Variants in MSANTD2 observed in about 807,000 individuals in gnomAD.
MSANTD2 encodes myb/SANT-like DNA-binding domain-containing protein 2.
MSANTD2 carries 19 observed loss-of-function variants against 52.6 expected under a neutral mutation model. That is an observed-to-expected ratio of 0.36 (90% CI 0.25 to 0.53). The LOEUF (loss-of-function observed/expected upper bound fraction) is 0.53. MSANTD2 is among the 20% of genes least tolerant of loss of function. MSANTD2 has a pLI of 0.91. For missense variants in MSANTD2, 558 were observed against 716.3 expected, an observed-to-expected ratio of 0.78 and a Z score of 2.52; for synonymous variants, 291 against 289.7, an observed-to-expected ratio of 1.00 and a Z score of -0.04.
At chr11:124,796,965 T>C (rs1024605970) in intron 1 of MSANTD2, among the ~76,000 whole-genome samples, 1 of 152,236 alleles carries the variant, frequency 6.6e-6, no homozygotes, top group African/African-American at 2.4e-5. Context: ...ATAAGCATAA[T>C]CTGAGTTACT....
chr11:124,799,848 C>T (rs755316849), intron 1 of MSANTD2, 23 bp downstream of exon 1: 99 of 1,551,776 alleles, frequency 6.4e-5, no homozygotes, highest in Middle Eastern at 2.1e-4. Context: ...TGGTTCGCTG[C>T]CCCAGGCCGG....
chr11:124,769,223 C>A (rs2135227662), intron 3 of MSANTD2, among the ~76,000 whole-genome samples: 1 of 152,274 alleles, frequency 6.6e-6, no homozygotes, highest in Middle Eastern at 3.4e-3. Context: ...TCAGTCTGTC[C>A]TCTCGCTCTC....
At chr11:124,792,250 G>T (rs557352224) in intron 1 of MSANTD2, 1 of 152,800 alleles carries the variant, frequency 6.5e-6, no homozygotes, top group Non-Finnish European at 1.5e-5. Flanking sequence ...CCTGGAATTG[G>T]TATGTTCACT....
intron 1 of MSANTD2, chr11:124,789,401 T>G (rs1431780370): frequency 6.6e-6 from 1 of 152,286 alleles, no homozygotes; most frequent in South Asian, 2.1e-4. Context: ...AAAATGCAAC[T>G]AGAAAGCATA....
chr11:124,767,727 C>G lies in MSANTD2; in HGVS notation c.1129G>C (p.Glu377Gln). 6.2e-7 allele frequency: 1 copy of G among 1,614,226 alleles called. No individual in the cohort carries two copies. The highest frequency in any genetic ancestry group is 8.5e-7 in the Non-Finnish European group (1 of 1,180,030). The change falls in exon 4 of 4, where the codon GAG (glutamate) becomes CAG (glutamine). Residue 377 changes from glutamate (E) to glutamine (Q), a missense_variant. This residue lies in a region of MSANTD2 where 408 missense variants were observed against 573.6 expected (regional missense o/e 0.71). Transcript: ENST00000374979. The surrounding 1 kb of genome is among the most constrained non-coding windows in gnomAD (Gnocchi z 6.5). Reference protein sequence around the residue: ...NWKNVYYKFLEITISEARCLE... With the variant: ...NWKNVYYKFLQITISEARCLE... ...CACCTAGCTTCGCTAATAGTGATCT[C>G]TAAAAATTTGTAGTAAACATTTTTC...
At chr11:124,790,882 G>C (rs1199302836) in intron 1 of MSANTD2, 1 of 226,046 alleles carries the variant, frequency 4.4e-6, no homozygotes, top group Non-Finnish European at 8.8e-6. Context: ...ATCTGGGACA[G>C]ATGTTGCAAA....
At chr11:124,793,572 A>C (rs1328166835) in intron 1 of MSANTD2, among the ~76,000 whole-genome samples, 1 of 152,240 alleles carries the variant, frequency 6.6e-6, no homozygotes, top group Non-Finnish European at 1.5e-5. Context: ...AGATAAAATT[A>C]AAAATTCAAT....
chr11:124,767,400 G>A lies in MSANTD2; in HGVS notation c.1456C>T (p.Gln486Ter), dbSNP rs1944338400. The change falls in exon 4 of 4, where the codon CAG becomes TAG. Residue 486 changes from glutamine (Q) to a stop codon, truncating the protein, a stop_gained. Coordinates refer to ENST00000374979, the MANE Select transcript of MSANTD2 (RefSeq NM_001308027.2). LOFTEE classifies it high-confidence loss of function. This position sits in a 1 kb window ranked among gnomAD's most constrained non-coding sequence, Gnocchi z 6.5. The part of the protein sequence containing the change: ...YLGIAEVRTL[Q>*]QCLFLHFQAN... ...TGGAAATGTAAAAATAAGCACTGCT[G>A]TAGAGTCCTGACCTCAGCAATCCCG... 1.2e-6 allele frequency: 2 copies of A among 1,614,092 alleles called. No individual in the cohort carries two copies. The highest frequency in any genetic ancestry group is 1.7e-5 in the Admixed American group (1 of 59,996).
chr11:124,777,154 T>A (rs1306252318), intron 1 of MSANTD2, among the ~76,000 whole-genome samples: 1 of 152,178 alleles, frequency 6.6e-6, no homozygotes, highest in Admixed American at 6.5e-5. Flanking sequence ...CAATGTCTAG[T>A]TTCTGCCTCC....
At chr11:124,792,570 G>A (rs1945366028) in intron 1 of MSANTD2, 2 of 152,088 alleles carry the variant, frequency 1.3e-5, no homozygotes, top group Non-Finnish European at 2.9e-5. Flanking sequence ...TCCACCTTTT[G>A]AAAGCCTAGG....
rs1179993203 is a variant in MSANTD2 at position 124,774,728 on chromosome 11, G to T, written c.757C>A (p.Gln253Lys). The T allele has an allele frequency of 1.2e-6, 2 of 1,613,818 alleles. No individual in the cohort carries two copies. The highest frequency in any genetic ancestry group is 2.7e-5 in the African/African-American group (2 of 74,870). The change falls in exon 2 of 4, where the codon CAG becomes AAG. Residue 253 changes from glutamine to lysine, a missense_variant. By Grantham distance (53) the Gln-to-Lys change is moderately conservative (BLOSUM62 1). This residue lies in a region of MSANTD2 where 408 missense variants were observed against 573.6 expected (regional missense o/e 0.71). Transcript: ENST00000374979. The surrounding 1 kb of genome is among the most constrained non-coding windows in gnomAD (Gnocchi z 5.1). ...ATGTTGGCTTTCTTACCCAATTCCT[G>T]ATCTGTTGGATAGCCATGGAGATCC... ...SQDLHGYPTD[Q>K]ELDEIPVTKR...
intron 1 of MSANTD2, among the ~76,000 whole-genome samples, chr11:124,781,466 GTCT>G (rs905346120): frequency 3.9e-5 from 6 of 152,116 alleles, no homozygotes; most frequent in African/African-American, 1.4e-4. Context: ...AGTAAAGTAA[GTCT>G]TGACTACGTT....
chr11:124,799,804 C>CCCCGCCT lies in MSANTD2; in HGVS notation c.510+66_510+67insAGGCGGG, dbSNP rs1429272523. 6 of 1,278,490 alleles carry CCCCGCCT rather than the reference C, an allele frequency of 4.7e-6. No individual in the cohort carries two copies. The African/African-American group carries it at 6.2e-5, about 13-fold the overall frequency. 79.2% of individuals were successfully genotyped at this position (1,278,490 alleles called of 1,614,324 possible). On this transcript the variant is annotated intron_variant, in intron 1 of 3. Transcript: ENST00000374979. ...CCCTGCCCTCAGACCGGCCCCCGCC[C>CCCCGCCT]CCGAGGCCCGCTTCCCCGCCTTCTC...
intron 1 of MSANTD2, among the ~76,000 whole-genome samples, chr11:124,781,463 T>C (rs1944963990): frequency 6.6e-6 from 1 of 152,156 alleles, no homozygotes; most frequent in South Asian, 2.1e-4. Context: ...TATAGTAAAG[T>C]AAGTCTTGAC....
intron 1 of MSANTD2, among the ~76,000 whole-genome samples, chr11:124,795,046 T>A (rs1945451454): frequency 6.6e-6 from 1 of 152,070 alleles, no homozygotes; most frequent in African/African-American, 2.4e-5. Flanking sequence ...GCCCGGCTAA[T>A]TTTTTGTATT....
chr11:124,800,248 G>A lies in MSANTD2; in HGVS notation c.133C>T (p.Arg45Trp), dbSNP rs1055948624. 17 of 1,552,816 alleles carry A rather than the reference G, an allele frequency of 1.1e-5. No individual in the cohort carries two copies. Among genetic ancestry groups the A allele is most frequent in the African/African-American group, 7.1e-5 (5 of 70,132 alleles). The stretch of plus-strand genomic sequence containing the variant: ...CCCGGCCCGAGCGGGGAGGCACCCC[G>A]AGGCGTGGAAGGGTCGGACAGCGAT... The part of the protein sequence containing the change: ...NPSLSDPSTP[R>W]GASPLGPGSA... The change falls in exon 1 of 4, where the codon CGG (arginine) becomes TGG (tryptophan). Residue 45 changes from arginine to tryptophan, a missense_variant. Physicochemically the swap from Arg to Trp is moderately radical, Grantham distance 101. Transcript: ENST00000374979. The surrounding 1 kb of genome is among the most constrained non-coding windows in gnomAD (Gnocchi z 4.3).
Position 124,767,299 on chromosome 11 carries a change from G to A in MSANTD2, c.1557C>T (p.Pro519=), listed in dbSNP as rs552088439. The change falls in exon 4 of 4, where the codon CCC becomes CCT. Residue 519 remains proline, a synonymous_variant. Coordinates refer to ENST00000374979, the MANE Select transcript of MSANTD2 (RefSeq NM_001308027.2). The surrounding 1 kb of genome is among the most constrained non-coding windows in gnomAD (Gnocchi z 6.5). ...GFLSQNCIVD[P]GVSPKSIYIK... Reference sequence around the variant, plus strand: ...TGTAGATGGATTTGGGGGAAACTCCGGGATCCACAATACAGTTCTGAGACA... The same window carrying A: ...TGTAGATGGATTTGGGGGAAACTCCAGGATCCACAATACAGTTCTGAGACA... The A allele has an allele frequency of 1.9e-5, 30 of 1,614,128 alleles. 1 individual carries two copies. The South Asian group carries it at 2.4e-4, about 13-fold the overall frequency.
chr11:124,769,789 T>C (rs998190532), intron 3 of MSANTD2, among the ~76,000 whole-genome samples: 1 of 152,234 alleles, frequency 6.6e-6, no homozygotes, highest in Non-Finnish European at 1.5e-5. Context: ...AGCATTGTCA[T>C]GGCACTAATG....
At position 124,767,056 on chromosome 11, in the gene MSANTD2, T is replaced by C. The variant is rs781725185; in HGVS notation, c.*120A>G. 1.2e-5 allele frequency: 12 copies of C among 1,043,416 alleles called. No individual in the cohort carries two copies. The highest frequency in any genetic ancestry group is 4.8e-5 in the African/African-American group (3 of 62,470). The allele number at this position is 1,043,416 out of a possible 1,614,324, so 64.6% of individuals were successfully genotyped here. A position where few individuals can be genotyped will look rare whatever the true frequency, so the allele number is the denominator to read the frequency against. On this transcript the variant is annotated 3_prime_UTR_variant, in exon 4 of 4. Transcript: ENST00000374979. The surrounding 1 kb of genome is among the most constrained non-coding windows in gnomAD (Gnocchi z 6.5). ...TTCCTTAGAAGTCGTACTGGCCCAA[T>C]TGAAGAAAGGGTTTCCATGAAGAGT...
Sources: allele counts gnomAD v4.1 joint callset (sites outside exome capture counted in the v4.1 genomes callset), GRCh38; gene constraint gnomAD v4.1.1; regional missense constraint gnomAD v4.1.1; non-coding constraint Gnocchi (gnomAD v3.1); transcripts MANE v1.5; gene names NCBI Gene and HGNC (gene_info 2026-07-23, HGNC 2026-07-21).